Variants in ELMO1 observed in about 807,000 individuals in gnomAD.
ELMO1 encodes engulfment and cell motility protein 1.
A neutral mutation model predicts 98.9 loss-of-function variants in ELMO1; 26 were observed. That is an observed-to-expected ratio of 0.26 (90% CI 0.19 to 0.36). The LOEUF is 0.36. ELMO1 is among the 10% of genes least tolerant of loss of function. The pLI is 1.00. For synonymous variants in ELMO1, 346 were observed against 346.0 expected (o/e 1.00, Z 0.00); for missense variants, 627 against 935.2 (o/e 0.67, Z 4.30).
intron 19 of ELMO1, among the ~76,000 whole-genome samples, chr7:36,873,608 G>T (rs866791502): frequency 1.3e-5 from 2 of 152,222 alleles, no homozygotes; most frequent in South Asian, 4.1e-4. Flanking sequence ...AGCTAGGTTA[G>T]TAGGTGAAAA....
chr7:37,382,026 G>A (rs1253496120), intron 1 of ELMO1, among the ~76,000 whole-genome samples: 3 of 152,024 alleles, frequency 2.0e-5, no homozygotes. Context: ...ACTTCCTACT[G>A]GTCCATTTCA....
At chr7:36,967,682 T>C (rs555276856) in intron 16 of ELMO1, among the ~76,000 whole-genome samples, 1 of 152,310 alleles carries the variant, frequency 6.6e-6, no homozygotes, top group Admixed American at 6.5e-5. Context: ...TTCAGGCACC[T>C]GGTGATGAAC....
intron 16 of ELMO1, among the ~76,000 whole-genome samples, chr7:36,902,821 G>A (rs1358268275): frequency 6.6e-6 from 1 of 152,120 alleles, no homozygotes; most frequent in African/African-American, 2.4e-5. Context: ...TTTCAGGAGT[G>A]GTGGGATGTT....
chr7:37,111,985 C>A (rs539374987), intron 14 of ELMO1, among the ~76,000 whole-genome samples: 1 of 152,216 alleles, frequency 6.6e-6, no homozygotes, highest in African/African-American at 2.4e-5. Context: ...AAACTCTGCC[C>A]AATTTGATGG....
chr7:37,124,086 C>A (rs1346659255), intron 14 of ELMO1, among the ~76,000 whole-genome samples: 5 of 152,102 alleles, frequency 3.3e-5, no homozygotes, highest in African/African-American at 1.2e-4. Context: ...ATTCAATAGC[C>A]CTTCATGCTA....
intron 14 of ELMO1, among the ~76,000 whole-genome samples, chr7:37,104,279 T>C (rs140725076): frequency 1.6e-4 from 25 of 151,624 alleles, no homozygotes; most frequent in African/African-American, 2.9e-4. Flanking sequence ...TAAAATTATA[T>C]GGTACTGCAA....
At chr7:36,997,134 G>A (rs1245887013) in intron 16 of ELMO1, among the ~76,000 whole-genome samples, 1 of 152,020 alleles carries the variant, frequency 6.6e-6, no homozygotes, top group Non-Finnish European at 1.5e-5. Context: ...ATGGTGGCGG[G>A]AAGGCAGGAT....
intron 14 of ELMO1, among the ~76,000 whole-genome samples, chr7:37,123,457 C>T (rs1211630218): frequency 6.6e-6 from 1 of 152,148 alleles, no homozygotes; most frequent in Non-Finnish European, 1.5e-5. Flanking sequence ...AAGGGGGTAT[C>T]ACCACCAATC....
intron 13 of ELMO1, among the ~76,000 whole-genome samples, chr7:37,156,204 T>C (rs1671626234): frequency 6.6e-6 from 1 of 152,134 alleles, no homozygotes; most frequent in Admixed American, 6.6e-5. Context: ...TAGCACTAAA[T>C]GCCCACAAGA....
chr7:36,965,297 G>A (rs936846563), intron 16 of ELMO1, among the ~76,000 whole-genome samples: 3 of 152,214 alleles, frequency 2.0e-5, no homozygotes, highest in South Asian at 2.1e-4. Flanking sequence ...GCAGCCCAGT[G>A]TCTAGAAGAG....
intron 14 of ELMO1, 113 bp downstream of exon 14, chr7:37,133,013 TAAGA>T: frequency 4.9e-6 from 3 of 610,824 alleles, no homozygotes; most frequent in South Asian, 4.6e-5. Flanking sequence ...TTTAGTTTAC[TAAGA>T]AAGACAGAAA....
At chr7:37,323,977 T>C (rs2723978) in intron 2 of ELMO1, among the ~76,000 whole-genome samples, 136,387 of 152,214 alleles carry the variant, frequency 0.9, 61,493 homozygotes, top group East Asian at 0.98. Flanking sequence ...ACTCAGAGTA[T>C]ATGTTCCTTT....
chr7:37,199,723 T>C (rs1437240033), intron 13 of ELMO1, among the ~76,000 whole-genome samples: 1 of 152,180 alleles, frequency 6.6e-6, no homozygotes, highest in Admixed American at 6.5e-5. Flanking sequence ...GACAGAGAGC[T>C]TGTGTTAGGA....
intron 2 of ELMO1, among the ~76,000 whole-genome samples, chr7:37,326,197 T>G (rs759843983): frequency 1.5e-4 from 23 of 152,186 alleles, no homozygotes; most frequent in Admixed American, 5.2e-4. Context: ...TTATCAAAAA[T>G]GACAAAGGGG....
chr7:37,126,524 C>T (rs1254612296), intron 14 of ELMO1, among the ~76,000 whole-genome samples: 1 of 151,748 alleles, frequency 6.6e-6, no homozygotes, highest in African/African-American at 2.4e-5. Flanking sequence ...TAATAACTTA[C>T]AAAATAATGA....
intron 5 of ELMO1, chr7:37,269,488 C>T (rs1796445163): frequency 7.1e-6 from 1 of 141,572 alleles, no homozygotes; most frequent in Non-Finnish European, 1.5e-5. Context: ...GTTGCCCAGG[C>T]TGGAGTGCAG....
Position 36,908,070 on chromosome 7 carries a change from A to G in ELMO1, c.1438-13053T>C, listed in dbSNP as rs1032513757. Among the ~76,000 whole-genome samples the G allele has an allele frequency of 2.9e-4, 44 of 152,230 alleles. 1 individual carries two copies. The highest frequency in any genetic ancestry group is 1.0e-3 in the African/African-American group (43 of 41,458). ...TTGTGTTCAGTTTTATGTCCTTGTG[A>G]AAATTATTTGACCCAACAGCTAAAC... On this transcript the variant is annotated intron_variant, in intron 16 of 21. Coordinates refer to ENST00000310758, the MANE Select transcript of ELMO1 (RefSeq NM_014800.11).
intron 15 of ELMO1, among the ~76,000 whole-genome samples, chr7:37,040,044 ATG>A (rs531594427): frequency 2.0e-5 from 3 of 151,560 alleles, no homozygotes; most frequent in African/African-American, 7.3e-5. Flanking sequence ...GTTTGTGTGT[ATG>A]TGTGTGTGTG....
chr7:37,044,388 TACTC>T (rs543184058), intron 15 of ELMO1, among the ~76,000 whole-genome samples: 23 of 152,332 alleles, frequency 1.5e-4, no homozygotes, highest in Non-Finnish European at 2.2e-4. Flanking sequence ...TATATACTAA[TACTC>T]ACAACATTCT....
Sources: gnomAD v4.1 joint callset for allele counts (sites outside exome capture counted in the v4.1 genomes callset) on GRCh38, gnomAD v4.1.1 for gene constraint, MANE v1.5 for transcripts, NCBI Gene and HGNC (gene_info 2026-07-23, HGNC 2026-07-21) for gene names.